The following RPAP3 variants were observed in gnomAD, a reference collection of about 807,000 sequenced individuals.
The protein encoded by RPAP3 is RNA polymerase II associated protein 3.
Under a neutral mutation model 88.8 loss-of-function variants are expected in RPAP3, and 58 were observed. The observed-to-expected ratio is 0.65, with a 90% confidence interval of 0.53 to 0.81. The LOEUF (loss-of-function observed/expected upper bound fraction) is 0.81. Ranked by LOEUF, RPAP3 falls within the 40% of genes least tolerant of loss-of-function variation. The pLI is 0.00. For missense variants in RPAP3, 751 were observed against 764.3 expected (o/e 0.98, Z 0.20); for synonymous variants, 255 against 259.9 (o/e 0.98, Z 0.18).
chr12:47,687,230 CTGTCT>C (rs2136630527), intron 8 of RPAP3, among the ~76,000 whole-genome samples: 1 of 152,230 alleles, frequency 6.6e-6, no homozygotes, highest in East Asian at 1.9e-4. Context: ...AAATAATATA[CTGTCT>C]TAAGTTACAT....
At chr12:47,689,400 C>T (rs1292061535) in intron 6 of RPAP3, among the ~76,000 whole-genome samples, 3 of 152,128 alleles carry the variant, frequency 2.0e-5, no homozygotes, top group East Asian at 1.9e-4. Context: ...AGTGCAGTGG[C>T]GCAATCTTGG....
chr12:47,687,659 TAA>T lies in RPAP3; in HGVS notation c.864+215_864+216del, dbSNP rs777499042. 3.0e-4 allele frequency among the ~76,000 whole-genome samples: 46 copies of T among 152,230 alleles called. No homozygotes were observed. The Middle Eastern group carries it at 0.01, about 34-fold the overall frequency. On this transcript the variant is annotated intron_variant, in intron 8 of 16. Coordinates refer to ENST00000005386, the MANE Select transcript of RPAP3 (RefSeq NM_024604.3). The stretch of plus-strand genomic sequence containing the variant: ...ACATTCAAAAGTAGTTTCCTAAACT[TAA>T]GTGTTTCTATAGTTATTTTTTTAAT...
Position 47,686,819 on chromosome 12 carries a change from A to G in RPAP3, c.953T>C (p.Leu318Pro). The part of the protein sequence containing the change: ...GIAADGANAL[L>P]PANRAMAYLK... ...ATAGGCCATAGCTCTGTTAGCTGGA[A>G]GAAGGGCATTAGCACCATCTGCTGC... Residue 318 changes from leucine to proline, a missense_variant, in exon 9 of 17, where the codon CTT becomes CCT. Leu to Pro is a moderately conservative substitution (Grantham distance 98). Coordinates refer to ENST00000005386, the MANE Select transcript of RPAP3 (RefSeq NM_024604.3). 1.9e-6 allele frequency: 3 copies of G among 1,605,492 alleles called. No homozygotes were observed. Among genetic ancestry groups the G allele is most frequent in the South Asian group, 1.1e-5 (1 of 89,178 alleles).
At chr12:47,687,398 A>G (rs1297859005) in intron 8 of RPAP3, among the ~76,000 whole-genome samples, 1 of 152,144 alleles carries the variant, frequency 6.6e-6, no homozygotes, top group Non-Finnish European at 1.5e-5. Flanking sequence ...TTTCACTATA[A>G]CATTTACTTA....
At chr12:47,677,981 C>T (rs1474165004) in intron 12 of RPAP3, among the ~76,000 whole-genome samples, 2 of 152,148 alleles carry the variant, frequency 1.3e-5, no homozygotes, top group South Asian at 2.1e-4. Context: ...AGGCATCAGG[C>T]TACCTGACCT....
rs1249721189 is a variant in RPAP3, at chr12:47,687,953, T to A, written c.787A>T (p.Ile263Phe). ...NSYPKEADIV[I>F]KSTEGERKQI... The stretch of plus-strand genomic sequence containing the variant: ...TTTCGCTCTCCTTCTGTTGACTTAA[T>A]CACTATGTCAGCTTCCTTTGGATAT... Residue 263 changes from isoleucine to phenylalanine, a missense_variant, in exon 8 of 17, where the codon ATT (isoleucine) becomes TTT (phenylalanine). Transcript: ENST00000005386. The A allele has an allele frequency of 6.2e-7, 1 of 1,613,688 alleles. No homozygotes were observed. The highest frequency in any genetic ancestry group is 1.1e-5 in the South Asian group (1 of 91,072).
intron 1 of RPAP3, among the ~76,000 whole-genome samples, chr12:47,704,015 T>A (rs1592490518): frequency 6.6e-6 from 1 of 152,192 alleles, no homozygotes; most frequent in East Asian, 1.9e-4. Context: ...TTGTTTGGGA[T>A]ATGCTGAATT....
rs553277703 is a variant in RPAP3 at position 47,664,369 on chromosome 12, G to A, written c.1913-779C>T. Among the ~76,000 whole-genome samples, 25 of 152,178 alleles carry A rather than the reference G, an allele frequency of 1.6e-4. No homozygotes were observed. The South Asian group carries it at 2.1e-3, about 13-fold the overall frequency. On this transcript the variant is annotated intron_variant, in intron 16 of 16. Transcript: ENST00000005386. ...CGAGCCACTGCACTCCAGCCTGGGC[G>A]ACAGAGCGAGACTCCATCTCAAAAA...
chr12:47,703,571 A>C (rs1939701723), intron 1 of RPAP3, among the ~76,000 whole-genome samples: 1 of 152,176 alleles, frequency 6.6e-6, no homozygotes, highest in African/African-American at 2.4e-5. Context: ...TGACTGCAAA[A>C]AATAGGCATG....
chr12:47,681,185 C>G (rs1939216075), intron 10 of RPAP3, among the ~76,000 whole-genome samples: 1 of 152,140 alleles, frequency 6.6e-6, no homozygotes, highest in African/African-American at 2.4e-5. Context: ...CCTGCTAATT[C>G]CAGTATCCAC....
chr12:47,688,433 T>A lies in RPAP3; in HGVS notation c.739-432A>T, dbSNP rs544464442. 2.6e-5 allele frequency among the ~76,000 whole-genome samples: 4 copies of A among 152,172 alleles called. No individual in the cohort carries two copies. The East Asian group carries it at 5.8e-4, about 22-fold the overall frequency. On this transcript the variant is annotated intron_variant, in intron 7 of 16. Transcript: ENST00000005386. ...ATCATTCATACCCCAAACCTCAGTATCATACAATATGCCCATGTAAAAAGC... is the reference window on the plus strand; with the variant it reads ...ATCATTCATACCCCAAACCTCAGTAACATACAATATGCCCATGTAAAAAGC...
chr12:47,690,735 T>C, intron 5 of RPAP3, 96 bp from the exon 6 acceptor site: 2 of 889,876 alleles, frequency 2.2e-6, no homozygotes, highest in Admixed American at 3.0e-5. Context: ...GAAAAGAGAA[T>C]TTACTTACCC....
intron 1 of RPAP3, among the ~76,000 whole-genome samples, chr12:47,704,708 A>T: frequency 6.7e-6 from 1 of 150,328 alleles, no homozygotes; most frequent in East Asian, 2.0e-4. Context: ...GATTTTTTTT[A>T]AAGGGTGGAA....
chr12:47,673,828 T>C (rs1939051523), intron 12 of RPAP3, among the ~76,000 whole-genome samples: 2 of 152,118 alleles, frequency 1.3e-5, no homozygotes. Context: ...TTTCTGTATG[T>C]ATATTTCATA....
rs959505486 is a variant in RPAP3, at chr12:47,690,434, T to G, written c.667+84A>C. 9 of 1,124,500 alleles carry G rather than the reference T, an allele frequency of 8.0e-6. No individual in the cohort carries two copies. In the African/African-American group the frequency reaches 1.1e-4, roughly 14 times the overall value. 69.7% of individuals were successfully genotyped at this position (1,124,500 alleles called of 1,614,324 possible). ...AATACAGAAAGCTCTCTGAAGGTAG[T>G]AACTGTGATTACTCAGTATTCTCCA... On this transcript the variant is annotated intron_variant, in intron 6 of 16. Coordinates refer to ENST00000005386, the MANE Select transcript of RPAP3 (RefSeq NM_024604.3).
chr12:47,685,710 A>AT (rs1939309678), intron 9 of RPAP3, among the ~76,000 whole-genome samples: 1 of 152,226 alleles, frequency 6.6e-6, no homozygotes, highest in African/African-American at 2.4e-5. Context: ...TCATCCCAAA[A>AT]TTTGGTGTCC....
Position 47,687,024 on chromosome 12 carries a change from T to C in RPAP3, c.865-117A>G, listed in dbSNP as rs754440269. The C allele has an allele frequency of 2.6e-5, 17 of 645,474 alleles. No homozygotes were observed. The East Asian group carries it at 3.7e-4, about 14-fold the overall frequency. 40.0% of individuals were successfully genotyped at this position (645,474 alleles called of 1,614,324 possible). On this transcript the variant is annotated intron_variant, in intron 8 of 16. Transcript: ENST00000005386. ...ACCAACAGTATTTCAAGAAAGAATA[T>C]TGTTAAAAATCTGGCCCATGAGACA...
intron 5 of RPAP3, 143 bp downstream of exon 5, chr12:47,696,133 G>A: frequency 1.6e-6 from 1 of 634,790 alleles, no homozygotes; most frequent in Non-Finnish European, 2.4e-6. Flanking sequence ...ATAAAAAGGA[G>A]TGAGCTATAA....
intron 12 of RPAP3, among the ~76,000 whole-genome samples, chr12:47,671,765 C>G (rs1332346470): frequency 6.6e-6 from 1 of 152,140 alleles, no homozygotes. Context: ...ATTTCCTAAT[C>G]ATTGGTCTCT....
Sources: gnomAD v4.1 joint callset for allele counts (sites outside exome capture counted in the v4.1 genomes callset) on GRCh38, gnomAD v4.1.1 for gene constraint, MANE v1.5 for transcripts, NCBI Gene and HGNC (gene_info 2026-07-23, HGNC 2026-07-21) for gene names.